The following CFAP221 variants were observed in gnomAD, a reference collection of about 807,000 sequenced individuals.
CFAP221 encodes the protein cilia- and flagella-associated protein 221.
A neutral mutation model predicts 113.1 loss-of-function variants in CFAP221; 97 were observed. The ratio of observed to expected loss-of-function variants is 0.86; its 90% CI spans 0.73 to 1.02. CFAP221 has a LOEUF of 1.02. CFAP221 is among the 50% of genes least tolerant of loss of function. The probability of loss-of-function intolerance (pLI) is 0.00; values close to 1 mark genes in which losing one functional copy is unlikely to be tolerated. For missense variants in CFAP221, 1,025 were observed against 1,013.4 expected, an observed-to-expected ratio of 1.01 and a Z score of -0.16; for synonymous variants, 331 against 354.4, an observed-to-expected ratio of 0.93 and a Z score of 0.74.
chr2:119,659,586 G>A (rs1157633492), downstream of CFAP221, among the ~76,000 whole-genome samples: 3 of 152,292 alleles, frequency 2.0e-5, no homozygotes, highest in Non-Finnish European at 2.9e-5. Context: ...CATCTCTTTA[G>A]TTTCTGGTTT....
intron 13 of CFAP221, among the ~76,000 whole-genome samples, chr2:119,612,067 A>G (rs1372741133): frequency 6.6e-6 from 1 of 152,104 alleles, no homozygotes; most frequent in Non-Finnish European, 1.5e-5. Context: ...CTTGGCCTCT[A>G]TTCATTATCC....
intron 6 of CFAP221, among the ~76,000 whole-genome samples, chr2:119,568,180 A>G (rs891328290): frequency 2.0e-5 from 3 of 152,248 alleles, no homozygotes; most frequent in African/African-American, 7.2e-5. Context: ...ATTTGAACGT[A>G]TAAGATATAT....
chr2:119,580,228 G>A (rs1384458942), intron 6 of CFAP221: 1 of 152,190 alleles, frequency 6.6e-6, no homozygotes, highest in Non-Finnish European at 1.5e-5. Context: ...ACCTCTAACA[G>A]AGCCTGATTT....
chr2:119,629,189 G>T (rs1043763222), intron 16 of CFAP221, among the ~76,000 whole-genome samples: 1 of 152,136 alleles, frequency 6.6e-6, no homozygotes, highest in Non-Finnish European at 1.5e-5. Flanking sequence ...TTAGATTAGG[G>T]GTTGTATGCT....
At chr2:119,653,652 T>A (rs559167295) in intron 23 of CFAP221, among the ~76,000 whole-genome samples, 1 of 152,356 alleles carries the variant, frequency 6.6e-6, no homozygotes, top group African/African-American at 2.4e-5. Context: ...TTCAAACTTA[T>A]CAGACTGTTT....
chr2:119,601,070 G>T (rs577778605), intron 7 of CFAP221, 148 bp from the exon 8 acceptor site: 1 of 806,396 alleles, frequency 1.2e-6, no homozygotes, highest in African/African-American at 1.7e-5. Context: ...GAAGCCAAAA[G>T]TTATGTGTGG....
At chr2:119,651,909 T>G in intron 22 of CFAP221, 65 bp from the exon 23 acceptor site, 1 of 1,279,822 alleles carries the variant, frequency 7.8e-7, no homozygotes, top group Non-Finnish European at 1.1e-6. Context: ...GATCACAATA[T>G]TTCATTCCTA....
intron 5 of CFAP221, 67 bp downstream of exon 5, chr2:119,560,093 A>G (rs1681134089): frequency 2.5e-6 from 3 of 1,211,354 alleles, no homozygotes; most frequent in South Asian, 1.4e-5. Flanking sequence ...TACATTCTCA[A>G]TGGTGGCAGA....
intron 3 of CFAP221, among the ~76,000 whole-genome samples, chr2:119,555,485 C>T (rs925861847): frequency 1.3e-5 from 2 of 152,008 alleles, no homozygotes; most frequent in Non-Finnish European, 1.5e-5. Context: ...ATTCATTTTC[C>T]CAAGGTTTGT....
At chr2:119,657,700 T>G (rs931451094), downstream of CFAP221, among the ~76,000 whole-genome samples, 4 of 152,206 alleles carry the variant, frequency 2.6e-5, no homozygotes, top group Admixed American at 2.6e-4. Context: ...CTGCGATTGG[T>G]CAACGTGTCC....
chr2:119,637,334 C>T (rs1214896829), intron 19 of CFAP221, among the ~76,000 whole-genome samples: 4 of 152,174 alleles, frequency 2.6e-5, no homozygotes, highest in African/African-American at 4.8e-5. Flanking sequence ...TCTTGACTCA[C>T]CACCGCTGGG....
intron 19 of CFAP221, among the ~76,000 whole-genome samples, chr2:119,634,168 A>G (rs1686967869): frequency 6.6e-6 from 1 of 152,188 alleles, no homozygotes. Flanking sequence ...ACTTCTGGAT[A>G]TGTTTCCAGA....
At chr2:119,643,938 A>C (rs1277357130) in intron 21 of CFAP221, among the ~76,000 whole-genome samples, 1 of 151,614 alleles carries the variant, frequency 6.6e-6, no homozygotes, top group East Asian at 2.0e-4. Context: ...GGATCACTTG[A>C]GGTCAGGAGT....
chr2:119,605,008 A>G (rs1251010751), intron 10 of CFAP221, 21 bp downstream of exon 10: 1 of 1,603,616 alleles, frequency 6.2e-7, no homozygotes, highest in Non-Finnish European at 8.5e-7. Flanking sequence ...GATTGGCCAT[A>G]AAGCAGCCCC....
intron 3 of CFAP221, among the ~76,000 whole-genome samples, chr2:119,550,317 G>A (rs1313952985): frequency 6.6e-6 from 1 of 152,214 alleles, no homozygotes; most frequent in Non-Finnish European, 1.5e-5. Flanking sequence ...CTGACAAATA[G>A]TAAAGGTATC....
intron 3 of CFAP221, among the ~76,000 whole-genome samples, chr2:119,549,794 C>T (rs146076612): frequency 1.2e-4 from 18 of 152,330 alleles, no homozygotes; most frequent in African/African-American, 4.1e-4. Flanking sequence ...GTCAGCCCCA[C>T]TGAAGAACAG....
intron 2 of CFAP221, among the ~76,000 whole-genome samples, chr2:119,547,501 G>T (rs1680132399): frequency 6.6e-6 from 1 of 152,212 alleles, no homozygotes; most frequent in Non-Finnish European, 1.5e-5. Context: ...GGAGGTTGCA[G>T]TGAGCCAAGA....
chr2:119,551,427 T>C (rs1022147805), intron 3 of CFAP221, among the ~76,000 whole-genome samples: 1 of 152,224 alleles, frequency 6.6e-6, no homozygotes, highest in Non-Finnish European at 1.5e-5. Flanking sequence ...ACCTATAGTT[T>C]ATTTTGAGTT....
At chr2:119,562,204 G>T in intron 6 of CFAP221, 90 bp downstream of exon 6, 5 of 689,302 alleles carry the variant, frequency 7.3e-6, no homozygotes, top group East Asian at 5.1e-5. Context: ...TTTCCTAATG[G>T]AAGTTCATCC....
Sources: allele counts gnomAD v4.1 joint callset (sites outside exome capture counted in the v4.1 genomes callset), GRCh38; gene constraint gnomAD v4.1.1; transcripts MANE v1.5; gene names NCBI Gene and HGNC (gene_info 2026-07-23, HGNC 2026-07-21).